The following JHY variants were observed in gnomAD, a reference collection of about 807,000 sequenced individuals.
JHY encodes junctional cadherin complex regulator.
In JHY, 69 loss-of-function variants were observed where a neutral mutation model predicts 78.0. That is an observed-to-expected ratio of 0.88 (90% CI 0.73 to 1.08). JHY has a LOEUF of 1.08. JHY is among the 50% of genes least tolerant of loss of function. The pLI, the probability that JHY is intolerant of heterozygous loss-of-function variation, is 0.00. For synonymous variants in JHY, 368 were observed against 342.6 expected (o/e 1.07, Z -0.82); for missense variants, 944 against 927.8 (o/e 1.02, Z -0.23).
intron 2 of JHY, among the ~76,000 whole-genome samples, chr11:122,891,270 TTG>T (rs1490841459): frequency 1.3e-5 from 2 of 152,216 alleles, no homozygotes; most frequent in Non-Finnish European, 2.9e-5. Context: ...AGTCCTACAC[TTG>T]TGTTTTGATG....
At chr11:122,900,944 T>C (rs1319680189) in intron 2 of JHY, among the ~76,000 whole-genome samples, 1 of 152,244 alleles carries the variant, frequency 6.6e-6, no homozygotes, top group Non-Finnish European at 1.5e-5. Flanking sequence ...AAATGTTGTC[T>C]AGGCAACAAT....
Position 122,934,445 on chromosome 11 carries a change from A to G in JHY, c.1004A>G (p.Tyr335Cys). Reference protein sequence around the residue: ...LKNYQEHWSQYESTKSSNVPR... With the variant: ...LKNYQEHWSQCESTKSSNVPR... ...AATTACCAGGAACACTGGTCTCAATATGAAAGTACAAAATCAAGCAATGTA... is the reference window on the plus strand; with the variant it reads ...AATTACCAGGAACACTGGTCTCAATGTGAAAGTACAAAATCAAGCAATGTA... Residue 335 changes from tyrosine to cysteine, a missense_variant, in exon 5 of 9, where the codon TAT becomes TGT. Tyr to Cys is a radical substitution (Grantham distance 194). Coordinates refer to ENST00000227349, the MANE Select transcript of JHY (RefSeq NM_024806.4). The G allele has an allele frequency of 6.2e-7, 1 of 1,613,412 alleles. No individual in the cohort carries two copies. The highest frequency in any genetic ancestry group is 8.5e-7 in the Non-Finnish European group (1 of 1,179,508).
At position 122,934,807 on chromosome 11, in the gene JHY, A is replaced by C; in HGVS notation, c.1366A>C (p.Asn456His). Residue 456 changes from asparagine (N) to histidine (H), a missense_variant, in exon 5 of 9, where the codon AAC (asparagine) becomes CAC (histidine). Physicochemically the swap from Asn to His is moderately conservative, Grantham distance 68 (BLOSUM62 1). Transcript: ENST00000227349. ...GGCTTTTGACAAGGTCTTATCTAAA[A>C]ACTCTACTGGATGTGACTCTGGGCT... ...KQAFDKVLSK[N>H]STGCDSGLNV... is the part of the protein sequence containing the mutation. The C allele has an allele frequency of 6.2e-7, 1 of 1,614,190 alleles. No individual in the cohort carries two copies. The highest frequency in any genetic ancestry group is 8.5e-7 in the Non-Finnish European group (1 of 1,180,038).
intron 4 of JHY, among the ~76,000 whole-genome samples, chr11:122,930,236 A>C (rs1441931804): frequency 6.6e-6 from 1 of 152,060 alleles, no homozygotes; most frequent in Non-Finnish European, 1.5e-5. Context: ...GCAGGCCAGC[A>C]CGCCCAGCTA....
At chr11:122,952,288 T>C (rs1591400254) in intron 6 of JHY, among the ~76,000 whole-genome samples, 1 of 152,176 alleles carries the variant, frequency 6.6e-6, no homozygotes, top group East Asian at 1.9e-4. Context: ...TTCAAGTGGG[T>C]AAATTTTGTG....
intron 2 of JHY, among the ~76,000 whole-genome samples, chr11:122,890,626 A>G (rs1004830078): frequency 1.3e-5 from 2 of 152,168 alleles, no homozygotes; most frequent in African/African-American, 4.8e-5. Flanking sequence ...TCCAGTGCTC[A>G]GGGACCTGAC....
chr11:122,906,960 G>C (rs1472816647), intron 3 of JHY, among the ~76,000 whole-genome samples: 9 of 151,916 alleles, frequency 5.9e-5, no homozygotes, highest in Admixed American at 5.9e-4. Flanking sequence ...ACTTCTTCTT[G>C]CTCCTATTAT....
chr11:122,905,947 T>C (rs1171783448), intron 3 of JHY: 1 of 148,000 alleles, frequency 6.8e-6, no homozygotes, highest in African/African-American at 2.4e-5. Flanking sequence ...AAAATAAAAA[T>C]AAATAAAATT....
chr11:122,893,491 G>A (rs917459781), intron 2 of JHY, among the ~76,000 whole-genome samples: 2 of 152,134 alleles, frequency 1.3e-5, no homozygotes, highest in African/African-American at 4.8e-5. Context: ...TCAAAACTGG[G>A]ATGCATTATT....
Position 122,904,184 on chromosome 11 carries a change from C to A in JHY, c.604C>A (p.His202Asn). ...TGAATTTTTAAGCCCAAACTATGAG[C>A]ATGGTGCCCGTCGCAGCAAGCCGTT... ...GSEFLSPNYE[H>N]GARRSKPFSE... Residue 202 changes from histidine (H) to asparagine (N), a missense_variant, in exon 3 of 9, where the codon CAT becomes AAT. His to Asn is a moderately conservative substitution (Grantham distance 68). Transcript: ENST00000227349. 1 of 1,614,200 alleles carries A rather than the reference C, an allele frequency of 6.2e-7. No individual in the cohort carries two copies. The highest frequency in any genetic ancestry group is 8.5e-7 in the Non-Finnish European group (1 of 1,180,028).
chr11:122,924,848 A>G, intron 3 of JHY, 49 bp from the exon 4 acceptor site: 1 of 1,464,930 alleles, frequency 6.8e-7, no homozygotes. Flanking sequence ...CATGGCTCTA[A>G]GACTAAAATG....
At chr11:122,911,209 A>G (rs1170682493) in intron 3 of JHY, among the ~76,000 whole-genome samples, 1 of 152,244 alleles carries the variant, frequency 6.6e-6, no homozygotes, top group African/African-American at 2.4e-5. Flanking sequence ...ATGGGTTCAG[A>G]AAAGAGTTAG....
At chr11:122,897,543 T>G (rs1044089404) in intron 2 of JHY, among the ~76,000 whole-genome samples, 1 of 152,242 alleles carries the variant, frequency 6.6e-6, no homozygotes, top group Non-Finnish European at 1.5e-5. Context: ...GTACTATTAT[T>G]ATCCCCATTT....
intron 4 of JHY, among the ~76,000 whole-genome samples, chr11:122,926,568 C>G (rs1256619185): frequency 6.6e-6 from 1 of 152,152 alleles, no homozygotes; most frequent in African/African-American, 2.4e-5. Flanking sequence ...GAGGCCATAC[C>G]TAGAAGTTGA....
intron 4 of JHY, among the ~76,000 whole-genome samples, chr11:122,931,512 T>A (rs1863635359): frequency 1.3e-5 from 2 of 152,208 alleles, no homozygotes; most frequent in South Asian, 4.1e-4. Context: ...TCAGAGCCAA[T>A]TAATATTTTT....
chr11:122,887,815 G>A (rs961460727), intron 2 of JHY, among the ~76,000 whole-genome samples: 1 of 152,128 alleles, frequency 6.6e-6, no homozygotes, highest in Non-Finnish European at 1.5e-5. Flanking sequence ...AATAGACTGA[G>A]TAGGGGTCTG....
chr11:122,961,499 C>T lies in JHY; in HGVS notation c.*2054C>T, dbSNP rs192173379. ...CCTCCCGAGTAGCCGAGATTGCAAGCGTGCACTACCACGCCCGGCTAATTT... is the reference window on the plus strand; with the variant it reads ...CCTCCCGAGTAGCCGAGATTGCAAGTGTGCACTACCACGCCCGGCTAATTT... On this transcript the variant is annotated 3_prime_UTR_variant, in exon 9 of 9. Transcript: ENST00000227349. 1.3e-4 allele frequency among the ~76,000 whole-genome samples: 20 copies of T among 152,226 alleles called. No individual in the cohort carries two copies. Among genetic ancestry groups the T allele is most frequent in the Non-Finnish European group, 1.6e-4 (11 of 68,012 alleles).
At chr11:122,899,660 T>C (rs1339646149) in intron 2 of JHY, among the ~76,000 whole-genome samples, 1 of 152,262 alleles carries the variant, frequency 6.6e-6, no homozygotes, top group Non-Finnish European at 1.5e-5. Flanking sequence ...CAGTCCCCGC[T>C]GCCTGGGAAT....
chr11:122,927,162 TCTCTATGGAGA>T (rs1472595482), intron 4 of JHY: 2 of 152,194 alleles, frequency 1.3e-5, no homozygotes, highest in Non-Finnish European at 2.9e-5. Context: ...TTTTGGATAG[TCTCTATGGAGA>T]CTGAAGAAAA....
Sources: gnomAD v4.1 joint callset for allele counts (sites outside exome capture counted in the v4.1 genomes callset) on GRCh38, gnomAD v4.1.1 for gene constraint, MANE v1.5 for transcripts, NCBI Gene and HGNC (gene_info 2026-07-23, HGNC 2026-07-21) for gene names.